The following ZNF385D variants were observed in gnomAD, a reference collection of about 807,000 sequenced individuals.
The protein encoded by ZNF385D is zinc finger protein 659.
ZNF385D carries 15 observed loss-of-function variants against 35.8 expected under a neutral mutation model. The ratio of observed to expected loss-of-function variants is 0.42; its 90% CI spans 0.28 to 0.64. ZNF385D has a LOEUF of 0.64. ZNF385D is among the 30% of genes least tolerant of loss of function. The pLI is 0.23. For synonymous variants in ZNF385D, 212 were observed against 186.8 expected (o/e 1.13, Z -1.10); for missense variants, 474 against 494.6 (o/e 0.96, Z 0.39).
chr3:21,883,486 A>G (rs1698385418), intron 3 of ZNF385D, among the ~76,000 whole-genome samples: 1 of 152,012 alleles, frequency 6.6e-6, no homozygotes, highest in South Asian at 2.1e-4. Flanking sequence ...TATGATATAT[A>G]TTCTGATATA....
At chr3:21,818,131 G>C (rs531135476) in intron 3 of ZNF385D, among the ~76,000 whole-genome samples, 1 of 149,468 alleles carries the variant, frequency 6.7e-6, no homozygotes, top group East Asian at 2.1e-4. Context: ...TCAACAATGA[G>C]AATACTTGGA....
Position 21,987,980 on chromosome 3 carries a change from A to G in ZNF385D, c.325+180837T>C, listed in dbSNP as rs1357493407. Among the ~76,000 whole-genome samples the G allele has an allele frequency of 2.0e-5, 3 of 146,892 alleles. 1 individual carries two copies. The highest frequency in any genetic ancestry group is 4.8e-4 in the South Asian group (2 of 4,160). On this transcript the variant is annotated intron_variant, in intron 3 of 5. Coordinates refer to the ZNF385D transcript ENST00000494108. ...TTGCATTGGCTCCTGAAGCTTCTGC[A>G]TTCTTCACGTAGTTCTCGAGCCTTG...
At chr3:21,828,341 G>A (rs1025731570) in intron 3 of ZNF385D, among the ~76,000 whole-genome samples, 2 of 152,076 alleles carry the variant, frequency 1.3e-5, no homozygotes, top group Non-Finnish European at 2.9e-5. Context: ...AAAAGTAGAA[G>A]TTAAAATAAG....
intron 3 of ZNF385D, among the ~76,000 whole-genome samples, chr3:21,968,964 T>A (rs1465645139): frequency 6.6e-6 from 1 of 152,188 alleles, no homozygotes; most frequent in East Asian, 1.9e-4. Flanking sequence ...ATTGCTGGAC[T>A]TGGCTTGGGC....
chr3:21,725,863 G>T (rs918967127), intron 1 of ZNF385D, among the ~76,000 whole-genome samples: 1 of 151,906 alleles, frequency 6.6e-6, no homozygotes, highest in East Asian at 1.9e-4. Context: ...CCAAAACCCG[G>T]CAGAGACATA....
intron 2 of ZNF385D, among the ~76,000 whole-genome samples, chr3:21,568,631 A>G (rs1364892607): frequency 6.6e-6 from 1 of 152,206 alleles, no homozygotes; most frequent in Non-Finnish European, 1.5e-5. Flanking sequence ...AGACATTAAC[A>G]GCACACAACA....
At chr3:22,068,632 G>A (rs1425101500) in intron 3 of ZNF385D, among the ~76,000 whole-genome samples, 1 of 152,128 alleles carries the variant, frequency 6.6e-6, no homozygotes, top group Non-Finnish European at 1.5e-5. Context: ...ACATTTCTTT[G>A]ATCTTTCTTT....
At chr3:22,151,521 A>C (rs1490107110) in intron 3 of ZNF385D, among the ~76,000 whole-genome samples, 1 of 152,116 alleles carries the variant, frequency 6.6e-6, no homozygotes, top group East Asian at 1.9e-4. Context: ...CAATGCATGC[A>C]TTATTTAGGG....
intron 3 of ZNF385D, among the ~76,000 whole-genome samples, chr3:21,774,744 G>C (rs901163226): frequency 2.6e-5 from 4 of 151,886 alleles, no homozygotes; most frequent in Admixed American, 2.0e-4. Flanking sequence ...CATGATTTTG[G>C]CTTTCCCAGT....
chr3:21,591,757 T>A (rs2063982690), intron 2 of ZNF385D, among the ~76,000 whole-genome samples: 1 of 152,152 alleles, frequency 6.6e-6, no homozygotes, highest in African/African-American at 2.4e-5. Context: ...TCTGCTTTTT[T>A]ATCTCTCTAT....
chr3:21,923,953 G>A (rs1315758976), intron 3 of ZNF385D, among the ~76,000 whole-genome samples: 1 of 152,078 alleles, frequency 6.6e-6, no homozygotes. Flanking sequence ...AATAAAAGTT[G>A]AAACGAAAAT....
intron 3 of ZNF385D, among the ~76,000 whole-genome samples, chr3:21,809,594 A>G (rs150662210): frequency 6.6e-6 from 1 of 151,066 alleles, no homozygotes; most frequent in African/African-American, 2.4e-5. Context: ...ACAATGATAT[A>G]TATATACACA....
rs1480484432 is a variant in ZNF385D at position 21,936,391 on chromosome 3, A to AG, written c.325+232425_325+232426insC. Among the ~76,000 whole-genome samples, 3 of 102,438 alleles carry AG rather than the reference A, an allele frequency of 2.9e-5. No individual in the cohort carries two copies. In the East Asian group the frequency reaches 9.1e-4, roughly 31 times the overall value. 67.2% of individuals were successfully genotyped at this position (102,438 alleles called of 152,430 possible). A position where few individuals can be genotyped will look rare whatever the true frequency, so the allele number is the denominator to read the frequency against. ...GAGCATATTAGCTGAGATGTGTAAC[A>AG]ATTTTTTTTTTTTGGCTATGTCAGC... is the stretch of plus-strand genomic sequence containing the variant. On this transcript the variant is annotated intron_variant, in intron 3 of 5. Coordinates refer to the ZNF385D transcript ENST00000494108.
chr3:21,927,527 T>TA (rs2125238066), intron 3 of ZNF385D, among the ~76,000 whole-genome samples: 1 of 152,304 alleles, frequency 6.6e-6, no homozygotes, highest in South Asian at 2.1e-4. Flanking sequence ...TACTCAGTAT[T>TA]AAAACGAAAC....
intron 3 of ZNF385D, among the ~76,000 whole-genome samples, chr3:22,146,041 C>G (rs1704831510): frequency 6.6e-6 from 1 of 151,994 alleles, no homozygotes; most frequent in South Asian, 2.1e-4. Context: ...GACTGATGAC[C>G]ACAACACATC....
chr3:21,796,956 G>C (rs1447376283), intron 3 of ZNF385D, among the ~76,000 whole-genome samples: 1 of 152,194 alleles, frequency 6.6e-6, no homozygotes, highest in Non-Finnish European at 1.5e-5. Flanking sequence ...TAGCTCAGCT[G>C]AGTCTCTTGG....
intron 2 of ZNF385D, among the ~76,000 whole-genome samples, chr3:22,247,162 A>C (rs888079819): frequency 2.0e-5 from 3 of 152,102 alleles, no homozygotes; most frequent in Non-Finnish European, 4.4e-5. Flanking sequence ...TTGGGCCATA[A>C]AAATCCAGCT....
intron 3 of ZNF385D, among the ~76,000 whole-genome samples, chr3:21,765,746 G>T (rs77249769): frequency 0.14 from 11,931 of 82,480 alleles, 641 homozygotes; most frequent in South Asian, 0.31. Flanking sequence ...GAGAGAGACA[G>T]AGAGAGAGAG....
At chr3:21,922,389 T>C (rs1382399277) in intron 3 of ZNF385D, among the ~76,000 whole-genome samples, 1 of 152,086 alleles carries the variant, frequency 6.6e-6, no homozygotes, top group Non-Finnish European at 1.5e-5. Context: ...ATTCAAACTA[T>C]ACTATAAAGC....
Sources: allele counts gnomAD v4.1 joint callset (sites outside exome capture counted in the v4.1 genomes callset), GRCh38; gene constraint gnomAD v4.1.1; transcripts MANE v1.5; gene names NCBI Gene and HGNC (gene_info 2026-07-23, HGNC 2026-07-21).